Variants in DMD observed in about 807,000 individuals in gnomAD.
DMD encodes the protein dystrophin.
DMD carries 63 observed loss-of-function variants against 330.1 expected under a neutral mutation model. The ratio of observed to expected loss-of-function variants is 0.19; its 90% CI spans 0.16 to 0.24. The LOEUF (loss-of-function observed/expected upper bound fraction) is 0.24, where lower values mean the gene tolerates loss of function less well. DMD is among the 10% of genes least tolerant of loss of function. DMD has a pLI of 1.00. For synonymous variants in DMD, 1,223 were observed against 959.8 expected, an observed-to-expected ratio of 1.27 and a Z score of -5.07; for missense variants, 3,344 against 2,684.1, an observed-to-expected ratio of 1.25 and a Z score of -5.43.
intron 1 of DMD, among the ~76,000 whole-genome samples, chrX:33,129,421 A>G (rs2095485575): frequency 9.9e-6 from 1 of 101,041 alleles, no homozygotes; most frequent in Admixed American, 1.1e-4. Flanking sequence ...GACCAAAAGC[A>G]TACAATATAA....
intron 27 of DMD, among the ~76,000 whole-genome samples, chrX:32,443,714 T>C (rs2098291936): frequency 9.0e-6 from 1 of 111,178 alleles, no homozygotes; most frequent in Non-Finnish European, 1.9e-5. Flanking sequence ...AAATAAAATA[T>C]AGTCTTGAAG....
intron 1 of DMD, among the ~76,000 whole-genome samples, chrX:33,219,156 C>G (rs1275951391): frequency 1.8e-5 from 2 of 110,642 alleles, no homozygotes; most frequent in East Asian, 5.7e-4. Context: ...ATTACATTAT[C>G]AGACTCTGGA....
chrX:32,372,256 C>T (rs2097881679), intron 34 of DMD, among the ~76,000 whole-genome samples: 1 of 111,922 alleles, frequency 8.9e-6, no homozygotes, highest in African/African-American at 3.2e-5. Flanking sequence ...ACAGATATTT[C>T]ATGAGTATGT....
At chrX:32,682,284 G>C (rs2062484421) in intron 9 of DMD, among the ~76,000 whole-genome samples, 1 of 111,306 alleles carries the variant, frequency 9.0e-6, no homozygotes, top group Admixed American at 9.6e-5. Flanking sequence ...TTAGAATTAT[G>C]GATTTAAGGC....
At chrX:33,015,304 C>T (rs1452583026) in intron 2 of DMD, among the ~76,000 whole-genome samples, 3 of 111,778 alleles carry the variant, frequency 2.7e-5, no homozygotes, top group African/African-American at 6.5e-5. Context: ...AAATGTGGTA[C>T]ATATACACCA....
At chrX:31,323,515 G>C (rs983099912) in intron 62 of DMD, 83 bp downstream of exon 62, 2 of 838,058 alleles carry the variant, frequency 2.4e-6, no homozygotes, top group Non-Finnish European at 3.5e-6. Flanking sequence ...GGCTAATGTC[G>C]CATTTTAAAA....
intron 44 of DMD, among the ~76,000 whole-genome samples, chrX:32,168,626 T>A (rs1827049706): frequency 9.1e-6 from 1 of 110,262 alleles, no homozygotes; most frequent in Admixed American, 9.7e-5. Flanking sequence ...AGAAAACACT[T>A]GGAATAATAA....
At chrX:31,171,971 A>T (rs2040045871) in intron 73 of DMD, among the ~76,000 whole-genome samples, 1 of 111,827 alleles carries the variant, frequency 8.9e-6, no homozygotes, top group Non-Finnish European at 1.9e-5. Context: ...ACTCCCCATG[A>T]GTGGAGAAAA....
At chrX:32,770,991 ACT>A (rs1282064981) in intron 7 of DMD, among the ~76,000 whole-genome samples, 1 of 111,251 alleles carries the variant, frequency 9.0e-6, no homozygotes, top group African/African-American at 3.3e-5. Flanking sequence ...TCCTGTGATG[ACT>A]CTCTGGAGAA....
chrX:31,242,374 C>G (rs187128989), intron 63 of DMD, among the ~76,000 whole-genome samples: 1 of 106,923 alleles, frequency 9.4e-6, no homozygotes, highest in Non-Finnish European at 1.9e-5. Flanking sequence ...TGCTGCTACA[C>G]TATCTGGAAT....
intron 2 of DMD, among the ~76,000 whole-genome samples, chrX:32,975,066 C>G (rs1253309051): frequency 1.8e-5 from 2 of 111,527 alleles, no homozygotes; most frequent in African/African-American, 6.5e-5. Context: ...ACTGACTAAA[C>G]ATTTTATTTA....
At chrX:32,462,060 C>T (rs1375636347) in intron 25 of DMD, among the ~76,000 whole-genome samples, 2 of 110,686 alleles carry the variant, frequency 1.8e-5, no homozygotes, top group East Asian at 5.7e-4. Flanking sequence ...AGACCAACTG[C>T]CTCTAACACG....
rs1320217519 is a variant in DMD, at chrX:32,809,400, T to G, written c.649+93A>C. On this transcript the variant is annotated intron_variant, in intron 7 of 78. Coordinates refer to ENST00000357033, the MANE Select transcript of DMD (RefSeq NM_004006.3). ...ACAGTATTGGAAAACTTAAGATATG[T>G]AGTTTTGTATTTTGTGTAGAAATGA... 7.8e-5 allele frequency: 57 copies of G among 734,013 alleles called. No homozygotes were observed. In the African/African-American group the frequency reaches 1.1e-3, roughly 14 times the overall value. The allele number at this position is 734,013 out of a possible 1,213,427, so 60.5% of individuals were successfully genotyped here. A position where few individuals can be genotyped will look rare whatever the true frequency, so the allele number is the denominator to read the frequency against.
chrX:32,157,098 G>A (rs961757640), intron 44 of DMD, among the ~76,000 whole-genome samples: 7 of 112,256 alleles, frequency 6.2e-5, no homozygotes, highest in African/African-American at 1.3e-4. Flanking sequence ...TTAATAAACA[G>A]CGTAATTAAG....
chrX:32,388,040 G>A (rs1173954579), intron 32 of DMD, among the ~76,000 whole-genome samples: 1 of 111,422 alleles, frequency 9.0e-6, no homozygotes, highest in Non-Finnish European at 1.9e-5. Context: ...ACACCACAAA[G>A]CATCGTAAAC....
chrX:33,283,784 C>T (rs991936239), intron 1 of DMD, among the ~76,000 whole-genome samples: 12 of 110,193 alleles, frequency 1.1e-4, no homozygotes, highest in East Asian at 5.7e-4. Flanking sequence ...TTTGGGAGGC[C>T]GAGGCGGGTG....
intron 34 of DMD, among the ~76,000 whole-genome samples, chrX:32,373,083 C>T (rs1055069831): frequency 1.8e-5 from 2 of 109,701 alleles, no homozygotes; most frequent in African/African-American, 6.6e-5. Context: ...TTCTTGAGTT[C>T]GTAATTCTCT....
chrX:32,396,517 A>G (rs1375741191), intron 30 of DMD, among the ~76,000 whole-genome samples: 2 of 111,285 alleles, frequency 1.8e-5, no homozygotes, highest in Non-Finnish European at 3.8e-5. Context: ...TTGAAGATGA[A>G]CATGTGTCTA....
intron 48 of DMD, among the ~76,000 whole-genome samples, chrX:31,858,394 T>C (rs1364925281): frequency 5.4e-5 from 6 of 111,317 alleles, no homozygotes; most frequent in Admixed American, 9.6e-5. Flanking sequence ...CCCTTCAGAA[T>C]GTTACATAGT....
Sources: gnomAD v4.1 joint callset for allele counts (sites outside exome capture counted in the v4.1 genomes callset) on GRCh38, gnomAD v4.1.1 for gene constraint, MANE v1.5 for transcripts, NCBI Gene and HGNC (gene_info 2026-07-23, HGNC 2026-07-21) for gene names.